Variants in EXOC6B observed in about 807,000 individuals in gnomAD.
EXOC6B encodes SEC15 homolog B.
A neutral mutation model predicts 113.5 loss-of-function variants in EXOC6B; 54 were observed. The ratio of observed to expected loss-of-function variants is 0.48; its 90% CI spans 0.38 to 0.60. The LOEUF is 0.60. Among genes scored for constraint, EXOC6B ranks in the 20% least tolerant of loss-of-function variants. EXOC6B has a pLI of 0.00. For missense variants in EXOC6B, 797 were observed against 977.5 expected (o/e 0.82, Z 2.46); for synonymous variants, 357 against 339.0 (o/e 1.05, Z -0.58).
chr2:72,645,061 AC>A (rs1281642819), intron 6 of EXOC6B, among the ~76,000 whole-genome samples: 1 of 152,198 alleles, frequency 6.6e-6, no homozygotes, highest in African/African-American at 2.4e-5. Context: ...GCAGAGACAC[AC>A]ACAGGCTCAA....
At chr2:72,329,808 C>G (rs1022787548) in intron 20 of EXOC6B, among the ~76,000 whole-genome samples, 21 of 152,028 alleles carry the variant, frequency 1.4e-4, no homozygotes, top group Non-Finnish European at 4.4e-5. Flanking sequence ...AAAGGAATAG[C>G]AGCAGTATTT....
chr2:72,582,962 A>G (rs960165842), intron 6 of EXOC6B, among the ~76,000 whole-genome samples: 22 of 152,216 alleles, frequency 1.4e-4, no homozygotes, highest in Admixed American at 3.9e-4. Flanking sequence ...AGAAACTTCT[A>G]AATTAATCAA....
intron 1 of EXOC6B, among the ~76,000 whole-genome samples, chr2:72,761,618 T>C (rs1041026389): frequency 1.3e-5 from 2 of 152,128 alleles, no homozygotes; most frequent in African/African-American, 4.8e-5. Flanking sequence ...CCTCAGCAAA[T>C]TAAATAGACA....
At chr2:72,422,231 C>T (rs1398791249) in intron 18 of EXOC6B, among the ~76,000 whole-genome samples, 1 of 152,228 alleles carries the variant, frequency 6.6e-6, no homozygotes, top group Non-Finnish European at 1.5e-5. Context: ...GCGGGACTGG[C>T]AGACAGCTCC....
At chr2:72,235,196 A>C (rs1681881978) in intron 20 of EXOC6B, among the ~76,000 whole-genome samples, 1 of 152,250 alleles carries the variant, frequency 6.6e-6, no homozygotes, top group Non-Finnish European at 1.5e-5. Flanking sequence ...GTACATATAC[A>C]CCATGGAATA....
intron 8 of EXOC6B, among the ~76,000 whole-genome samples, chr2:72,545,374 G>A (rs897541348): frequency 1.5e-4 from 22 of 151,574 alleles, no homozygotes; most frequent in African/African-American, 4.6e-4. Flanking sequence ...AAATCAAATC[G>A]ACTATCGAAA....
chr2:72,307,435 G>A (rs1272369974), intron 20 of EXOC6B, among the ~76,000 whole-genome samples: 2 of 152,008 alleles, frequency 1.3e-5, no homozygotes, highest in African/African-American at 4.8e-5. Context: ...CATGGGTATA[G>A]TCCAAAATTC....
rs760955082 is a variant in EXOC6B, at chr2:72,179,294, G to C, written c.*41C>G. 9.1e-6 allele frequency: 14 copies of C among 1,537,808 alleles called. No homozygotes were observed. The Admixed American group carries it at 2.8e-4, about 31-fold the overall frequency. On this transcript the variant is annotated 3_prime_UTR_variant, in exon 22 of 22. Coordinates refer to ENST00000272427, the MANE Select transcript of EXOC6B (RefSeq NM_015189.3). ...TGGGGCTGGACCCCAGACTGACACA[G>C]AGGCTGCAGCAGGTCGCCTCTGTGG...
intron 6 of EXOC6B, among the ~76,000 whole-genome samples, chr2:72,696,919 A>T (rs953424947): frequency 2.8e-4 from 42 of 152,326 alleles, no homozygotes; most frequent in African/African-American, 9.4e-4. Context: ...CTGGTCAAAT[A>T]TATTATGTGG....
At chr2:72,474,716 T>C (rs1178093133) in intron 17 of EXOC6B, among the ~76,000 whole-genome samples, 1 of 152,152 alleles carries the variant, frequency 6.6e-6, no homozygotes, top group Non-Finnish European at 1.5e-5. Flanking sequence ...TCACTGAGCG[T>C]CTTTAGAATC....
At chr2:72,387,766 T>A (rs114487255) in intron 18 of EXOC6B, among the ~76,000 whole-genome samples, 1,782 of 152,208 alleles carry the variant, frequency 0.012, 23 homozygotes, top group African/African-American at 0.032. Flanking sequence ...GTATTTTTTT[T>A]AAAAAATAGT....
chr2:72,440,219 G>A (rs1696119873), intron 18 of EXOC6B, among the ~76,000 whole-genome samples: 1 of 152,086 alleles, frequency 6.6e-6, no homozygotes, highest in African/African-American at 2.4e-5. Flanking sequence ...GTGCTGTGCT[G>A]GGGTCCATTT....
chr2:72,390,646 G>A (rs867521641), intron 18 of EXOC6B, among the ~76,000 whole-genome samples: 2 of 152,124 alleles, frequency 1.3e-5, no homozygotes, highest in African/African-American at 4.8e-5. Context: ...TATCTTTTAT[G>A]TAGAGGCCCA....
chr2:72,606,033 G>A (rs938194142), intron 6 of EXOC6B, among the ~76,000 whole-genome samples: 1 of 152,086 alleles, frequency 6.6e-6, no homozygotes, highest in Non-Finnish European at 1.5e-5. Context: ...TACTATACAT[G>A]TAATGCCCTC....
At chr2:72,497,963 C>T (rs927032671) in intron 13 of EXOC6B, among the ~76,000 whole-genome samples, 3 of 152,124 alleles carry the variant, frequency 2.0e-5, no homozygotes, top group Non-Finnish European at 2.9e-5. Flanking sequence ...AAACACTGGG[C>T]TGTAATATGC....
intron 6 of EXOC6B, among the ~76,000 whole-genome samples, chr2:72,576,990 A>T (rs1294405777): frequency 6.6e-6 from 1 of 152,116 alleles, no homozygotes; most frequent in Non-Finnish European, 1.5e-5. Context: ...GAAGATAAAT[A>T]TAAAGTATAA....
intron 16 of EXOC6B, among the ~76,000 whole-genome samples, chr2:72,482,753 T>C (rs549305160): frequency 7.3e-4 from 111 of 152,278 alleles, no homozygotes; most frequent in Admixed American, 1.2e-3. Context: ...AAAAAATACA[T>C]GTCAACTCAT....
intron 20 of EXOC6B, among the ~76,000 whole-genome samples, chr2:72,287,546 C>T (rs1051733167): frequency 2.0e-5 from 3 of 150,940 alleles, no homozygotes; most frequent in Non-Finnish European, 4.4e-5. Flanking sequence ...AAATGATAAA[C>T]CTCCGTCAAT....
At chr2:72,515,743 A>C (rs1701180574) in intron 8 of EXOC6B, 2 of 985,962 alleles carry the variant, frequency 2.0e-6, no homozygotes, top group Non-Finnish European at 2.4e-6. Context: ...TGAGCTGTGT[A>C]CTGGGTTGAA....
Sources: gnomAD v4.1 joint callset for allele counts (sites outside exome capture counted in the v4.1 genomes callset) on GRCh38, gnomAD v4.1.1 for gene constraint, MANE v1.5 for transcripts, NCBI Gene and HGNC (gene_info 2026-07-23, HGNC 2026-07-21) for gene names.